Variants in EEA1 observed in about 807,000 individuals in gnomAD.
The protein encoded by EEA1 is early endosome antigen 1, 162kD.
In EEA1, 111 loss-of-function variants were observed where a neutral mutation model predicts 209.2. The observed-to-expected ratio is 0.53, with a 90% CI of 0.45 to 0.62. The LOEUF is 0.62. Ranked by LOEUF, EEA1 falls within the 20% of genes least tolerant of loss-of-function variation. EEA1 has a pLI of 0.00. For missense variants in EEA1, 1,343 were observed against 1,530.8 expected (o/e 0.88, Z 2.05); for synonymous variants, 536 against 540.6 (o/e 0.99, Z 0.12).
chr12:92,923,844 A>AC (rs1428347733), intron 1 of EEA1, among the ~76,000 whole-genome samples: 4 of 136,336 alleles, frequency 2.9e-5, no homozygotes, highest in South Asian at 4.6e-4. Flanking sequence ...TACCTCATCT[A>AC]CAAAAAAAAA....
chr12:92,857,230 A>G (rs770088584), intron 5 of EEA1, 45 bp downstream of exon 5: 2 of 1,459,320 alleles, frequency 1.4e-6, no homozygotes, highest in East Asian at 4.7e-5. Flanking sequence ...CAACAATAAA[A>G]ATAAACAACT....
chr12:92,879,243 T>C (rs1879037045), intron 2 of EEA1: 3 of 362,654 alleles, frequency 8.3e-6, no homozygotes, highest in Admixed American at 7.4e-5. Flanking sequence ...TACATGATAC[T>C]TACCAGTTGG....
chr12:92,775,137 C>T lies in EEA1; in HGVS notation c.*874G>A, dbSNP rs942002298. ...TATGAAGGCTGATCTCAAAAGACTTCCCACTTACAAGAAACCGAGAATAAG... is the reference window on the plus strand; with the variant it reads ...TATGAAGGCTGATCTCAAAAGACTTTCCACTTACAAGAAACCGAGAATAAG... On this transcript the variant is annotated 3_prime_UTR_variant, in exon 29 of 29. Coordinates refer to ENST00000322349, the MANE Select transcript of EEA1 (RefSeq NM_003566.4). 5.3e-5 allele frequency: 8 copies of T among 151,586 alleles called. No homozygotes were observed. The highest frequency in any genetic ancestry group is 1.2e-4 in the Non-Finnish European group (8 of 67,652). 9.4% of individuals were successfully genotyped at this position (151,586 alleles called of 1,614,324 possible).
intron 23 of EEA1, among the ~76,000 whole-genome samples, 185 bp downstream of exon 23, chr12:92,781,765 G>A (rs1048891970): frequency 3.3e-5 from 5 of 152,134 alleles, no homozygotes; most frequent in Non-Finnish European, 5.9e-5. Context: ...ATAACAAGGA[G>A]GCCATTAAGA....
Position 92,828,128 on chromosome 12 carries a change from C to T in EEA1, c.1255-67G>A, listed in dbSNP as rs1041322111. On this transcript the variant is annotated intron_variant, in intron 11 of 28. Coordinates refer to ENST00000322349, the MANE Select transcript of EEA1 (RefSeq NM_003566.4). ...CACACACACAGCACCACCTACTTTCCAAACAATGTTTTACTTTTCACCAAA... is the reference window on the plus strand; with the variant it reads ...CACACACACAGCACCACCTACTTTCTAAACAATGTTTTACTTTTCACCAAA... 1.2e-5 allele frequency: 15 copies of T among 1,240,874 alleles called. No homozygotes were observed. The African/African-American group carries it at 1.7e-4, about 14-fold the overall frequency. 76.9% of individuals were successfully genotyped at this position (1,240,874 alleles called of 1,614,324 possible).
intron 18 of EEA1, among the ~76,000 whole-genome samples, chr12:92,808,599 A>G (rs1875330194): frequency 6.6e-6 from 1 of 152,032 alleles, no homozygotes; most frequent in Admixed American, 6.6e-5. Flanking sequence ...CCAGGCTGAG[A>G]AGATCACTTC....
In EEA1 at chr12:92,802,700, A is replaced by T; in HGVS notation, c.2374T>A (p.Ser792Thr). The T allele has an allele frequency of 6.3e-7, 1 of 1,597,410 alleles. No individual in the cohort carries two copies. Among genetic ancestry groups the T allele is most frequent in the South Asian group, 1.2e-5 (1 of 86,354 alleles). Reference sequence around the variant, plus strand: ...TGCTTGATACTTTCAAGGGCTTCAGATTTTTTCTGTAGATCCAATCTTGTA... The same window carrying T: ...TGCTTGATACTTTCAAGGGCTTCAGTTTTTTTCTGTAGATCCAATCTTGTA... ...SSTRLDLQKK[S>T]EALESIKQKL... The change falls in exon 19 of 29, where the codon TCT (serine) becomes ACT (threonine). Residue 792 changes from serine (S) to threonine (T), a missense_variant. Physicochemically the swap from Ser to Thr is moderately conservative, Grantham distance 58. Coordinates refer to ENST00000322349, the MANE Select transcript of EEA1 (RefSeq NM_003566.4).
At chr12:92,811,042 T>C (rs1455390571) in intron 17 of EEA1, among the ~76,000 whole-genome samples, 1 of 152,100 alleles carries the variant, frequency 6.6e-6, no homozygotes, top group Non-Finnish European at 1.5e-5. Context: ...CACATTACAA[T>C]GGAATCAGTA....
intron 1 of EEA1, among the ~76,000 whole-genome samples, chr12:92,892,368 A>C (rs1879686266): frequency 6.6e-6 from 1 of 152,158 alleles, no homozygotes; most frequent in Non-Finnish European, 1.5e-5. Context: ...CTGGGGTTAC[A>C]GGTGTGAGCC....
chr12:92,818,490 T>G (rs1322862082), intron 14 of EEA1, among the ~76,000 whole-genome samples: 1 of 152,208 alleles, frequency 6.6e-6, no homozygotes, highest in African/African-American at 2.4e-5. Flanking sequence ...TTTATTTTAA[T>G]TTATTCTTTA....
At chr12:92,811,877 A>G (rs1373323476) in intron 16 of EEA1, among the ~76,000 whole-genome samples, 2 of 152,128 alleles carry the variant, frequency 1.3e-5, no homozygotes, top group Non-Finnish European at 2.9e-5. Context: ...AAAAAATAAA[A>G]TAAAAATTAC....
At chr12:92,854,628 T>C (rs1877787976) in intron 5 of EEA1, among the ~76,000 whole-genome samples, 1 of 152,216 alleles carries the variant, frequency 6.6e-6, no homozygotes, top group African/African-American at 2.4e-5. Context: ...TTCAGCTGCT[T>C]TCTTTGAGAC....
chr12:92,790,317 G>C (rs1874342837), intron 21 of EEA1, among the ~76,000 whole-genome samples: 1 of 152,102 alleles, frequency 6.6e-6, no homozygotes, highest in Non-Finnish European at 1.5e-5. Flanking sequence ...TCAGAAGGTT[G>C]GTAATAACGA....
intron 20 of EEA1, among the ~76,000 whole-genome samples, chr12:92,800,144 C>T (rs1476567423): frequency 6.6e-6 from 1 of 152,064 alleles, no homozygotes; most frequent in Non-Finnish European, 1.5e-5. Context: ...ATCGCTTGAA[C>T]TTAGGAGGTG....
intron 1 of EEA1, among the ~76,000 whole-genome samples, chr12:92,916,370 C>A (rs1219047824): frequency 6.6e-6 from 1 of 151,808 alleles, no homozygotes; most frequent in Non-Finnish European, 1.5e-5. Flanking sequence ...ACTTAAAAAT[C>A]TGGGCCGGGC....
chr12:92,830,011 T>TG lies in EEA1; in HGVS notation c.1255-1951dup, dbSNP rs72219740. ...TTAGAAAGGATTTTTAGGGAGAGTG[T>TG]GGGGGGGGCGGGTGAGGGTTGAAAA... On this transcript the variant is annotated intron_variant, in intron 11 of 28. Coordinates refer to ENST00000322349, the MANE Select transcript of EEA1 (RefSeq NM_003566.4). Among the ~76,000 whole-genome samples the TG allele has an allele frequency of 3.0e-3, 365 of 121,774 alleles. 1 individual carries two copies. Among genetic ancestry groups the TG allele is most frequent in the African/African-American group, 9.1e-3 (299 of 32,782 alleles). 79.9% of individuals were successfully genotyped at this position (121,774 alleles called of 152,430 possible). A position where few individuals can be genotyped will look rare whatever the true frequency, so the allele number is the denominator to read the frequency against.
chr12:92,912,591 C>T (rs558325389), intron 1 of EEA1, among the ~76,000 whole-genome samples: 7 of 152,264 alleles, frequency 4.6e-5, no homozygotes, highest in African/African-American at 1.7e-4. Flanking sequence ...TTAGTGGGTA[C>T]AAGTGCAGTT....
chr12:92,849,933 A>C (rs994340958), intron 9 of EEA1, among the ~76,000 whole-genome samples: 1 of 152,246 alleles, frequency 6.6e-6, no homozygotes, highest in Non-Finnish European at 1.5e-5. Context: ...AACAGTAGTC[A>C]TAACAAAATG....
At position 92,777,584 on chromosome 12, in the gene EEA1, C is replaced by T. The variant is rs143349466; in HGVS notation, c.3973G>A (p.Ala1325Thr). 6.2e-7 allele frequency: 1 copy of T among 1,612,390 alleles called. No individual in the cohort carries two copies. The highest frequency in any genetic ancestry group is 1.3e-5 in the African/African-American group (1 of 74,978). The change falls in exon 27 of 29, where the codon GCA becomes ACA. Residue 1325 changes from alanine to threonine, a missense_variant. By Grantham distance (58) the Ala-to-Thr change is moderately conservative (BLOSUM62 0). Transcript: ENST00000322349. ...TCTCTGCCCAGCTCCTGCACTGCTG[C>T]AGTTGTATTATCCAGCTTTCTTTGC... The part of the protein sequence containing the change: ...ELQRKLDNTT[A>T]AVQELGRENQ...
Sources: gnomAD v4.1 joint callset for allele counts (sites outside exome capture counted in the v4.1 genomes callset) on GRCh38, gnomAD v4.1.1 for gene constraint, MANE v1.5 for transcripts, NCBI Gene and HGNC (gene_info 2026-07-23, HGNC 2026-07-21) for gene names.